FLVCR1: variants seen among roughly 807,000 people sequenced by gnomAD.
FLVCR1 encodes FLVCR choline and heme transporter 1.
Under a neutral mutation model 53.6 loss-of-function variants are expected in FLVCR1, and 34 were observed. The observed-to-expected ratio is 0.63, with a 90% CI of 0.48 to 0.84. The LOEUF is 0.84. Among genes scored for constraint, FLVCR1 ranks in the 40% least tolerant of loss-of-function variants. The pLI is 0.00. For missense variants in FLVCR1, 677 were observed against 696.7 expected (o/e 0.97, Z 0.32); for synonymous variants, 300 against 286.3 (o/e 1.05, Z -0.48).
chr1:212,888,540 C>T lies in FLVCR1; in HGVS notation c.1359C>T (p.Ile453=), dbSNP rs1314494158. The T allele has an allele frequency of 4.3e-6, 7 of 1,613,806 alleles. No individual in the cohort carries two copies. The highest frequency in any genetic ancestry group is 5.9e-6 in the Non-Finnish European group (7 of 1,179,900). ...LPLGFEFAVE[I]TYPESEGTSS... ...TGGGTTTTGAATTTGCTGTTGAAAT[C>T]ACTTACCCTGAATCTGAAGGTACTT... Residue 453 remains isoleucine (I), a synonymous_variant, in exon 7 of 10, where the codon ATC becomes ATT. Transcript: ENST00000366971.
chr1:212,894,918 C>A (rs867708722), intron 8 of FLVCR1, 68 bp from the exon 9 acceptor site: 1 of 1,031,064 alleles, frequency 9.7e-7, no homozygotes, highest in Middle Eastern at 2.1e-4. Flanking sequence ...CCAAGAAAGA[C>A]TTTGAGCTGC....
intron 2 of FLVCR1, among the ~76,000 whole-genome samples, chr1:212,870,657 T>A (rs555102099): frequency 6.6e-6 from 1 of 152,308 alleles, no homozygotes; most frequent in South Asian, 2.1e-4. Context: ...AAAAAAATTT[T>A]TTTTCTTGCT....
chr1:212,875,238 A>C (rs1664721633), intron 3 of FLVCR1, among the ~76,000 whole-genome samples: 1 of 152,266 alleles, frequency 6.6e-6, no homozygotes, highest in Admixed American at 6.5e-5. Context: ...GAGATAATAT[A>C]AACATCTGAA....
In FLVCR1 at chr1:212,895,010, GAC is replaced by G. The variant is rs777543198; in HGVS notation, c.1554_1555del (p.His518GlnfsTer10). The G allele has an allele frequency of 1.2e-6, 2 of 1,604,232 alleles. No homozygotes were observed. Among genetic ancestry groups the G allele is most frequent in the South Asian group, 1.1e-5 (1 of 90,886 alleles). On this transcript the variant is annotated frameshift_variant, in exon 9 of 10. Coordinates refer to ENST00000366971, the MANE Select transcript of FLVCR1 (RefSeq NM_014053.4). LOFTEE classifies it low-confidence loss of function (END_TRUNC). ...GCATTAATCAAGTCTGATCTGCGAA[GAC>G]ACAACATAAATATAGGAATTACAAA... is the stretch of plus-strand genomic sequence containing the variant.
At chr1:212,883,152 A>G (rs1235340530) in intron 3 of FLVCR1, among the ~76,000 whole-genome samples, 1 of 152,198 alleles carries the variant, frequency 6.6e-6, no homozygotes, top group Non-Finnish European at 1.5e-5. Flanking sequence ...CTGCTATTAC[A>G]TCTTTAGTAC....
intron 8 of FLVCR1, among the ~76,000 whole-genome samples, chr1:212,891,945 G>A (rs959994069): frequency 1.3e-5 from 2 of 152,202 alleles, no homozygotes; most frequent in African/African-American, 2.4e-5. Context: ...GAGTGGTCTT[G>A]TTAGAAGATC....
intron 1 of FLVCR1, among the ~76,000 whole-genome samples, chr1:212,861,361 C>T (rs1193544757): frequency 6.6e-6 from 1 of 151,914 alleles, no homozygotes; most frequent in Non-Finnish European, 1.5e-5. Flanking sequence ...TTTTCTGAAC[C>T]CCATTTCTTT....
chr1:212,867,500 G>C (rs1664472169), intron 2 of FLVCR1, among the ~76,000 whole-genome samples: 1 of 152,184 alleles, frequency 6.6e-6, no homozygotes, highest in Non-Finnish European at 1.5e-5. Context: ...CTGAAGGTCA[G>C]ATTTAAGCCT....
At chr1:212,885,077 A>G (rs534585935) in intron 4 of FLVCR1, among the ~76,000 whole-genome samples, 16 of 152,248 alleles carry the variant, frequency 1.1e-4, no homozygotes, top group Non-Finnish European at 2.2e-4. Context: ...TATTTCTTCT[A>G]TTATTTTAGG....
At position 212,895,450 on chromosome 1, in the gene FLVCR1, T is replaced by G; in HGVS notation, c.*160T>G. 4 of 656,368 alleles carry G rather than the reference T, an allele frequency of 6.1e-6. No individual in the cohort carries two copies. The South Asian group carries it at 7.0e-5, about 11-fold the overall frequency. The allele number at this position is 656,368 out of a possible 1,614,324, so 40.7% of individuals were successfully genotyped here. A position where few individuals can be genotyped will look rare whatever the true frequency, so the allele number is the denominator to read the frequency against. On this transcript the variant is annotated 3_prime_UTR_variant, in exon 10 of 10. Transcript: ENST00000366971. Reference sequence around the variant, plus strand: ...TCTAAATGCATAATTATTATTTTGCTTAATTGTTAAATTAAGGGAAATTTT... The same window carrying G: ...TCTAAATGCATAATTATTATTTTGCGTAATTGTTAAATTAAGGGAAATTTT...
In FLVCR1 at chr1:212,892,119, A is replaced by G. The variant is rs145746590; in HGVS notation, c.1525+2862A>G. Among the ~76,000 whole-genome samples, 514 of 152,350 alleles carry G rather than the reference A, an allele frequency of 3.4e-3. 2 individuals carry two copies. Among genetic ancestry groups the G allele is most frequent in the African/African-American group, 0.011 (478 of 41,582 alleles). ...GGAAAGAAGTTGTCTTCATAACATAAAAGTGCAAGGTGAAGCAGCAAGTGC... is the reference window on the plus strand; with the variant it reads ...GGAAAGAAGTTGTCTTCATAACATAGAAGTGCAAGGTGAAGCAGCAAGTGC... On this transcript the variant is annotated intron_variant, in intron 8 of 9. Transcript: ENST00000366971.
intron 2 of FLVCR1, among the ~76,000 whole-genome samples, chr1:212,872,289 A>G (rs1317683211): frequency 6.6e-6 from 1 of 152,128 alleles, no homozygotes; most frequent in Non-Finnish European, 1.5e-5. Context: ...CTTCATGTTT[A>G]TCTCTAATTA....
chr1:212,882,657 C>T (rs960702897), intron 3 of FLVCR1, among the ~76,000 whole-genome samples: 3 of 152,028 alleles, frequency 2.0e-5, no homozygotes, highest in African/African-American at 7.2e-5. Context: ...AAATAATAAA[C>T]TTAAGTTTTA....
Position 212,893,072 on chromosome 1 carries a change from G to T in FLVCR1, c.1526-1914G>T, listed in dbSNP as rs1389948515. On this transcript the variant is annotated intron_variant, in intron 8 of 9. Coordinates refer to ENST00000366971, the MANE Select transcript of FLVCR1 (RefSeq NM_014053.4). ...GGGTTGCTTCTTTTTTTTTGGGGGG[G>T]GGTGCCGGAATGTTGCTGTGTTGCC... is the stretch of plus-strand genomic sequence containing the variant. 1.0e-4 allele frequency among the ~76,000 whole-genome samples: 15 copies of T among 148,624 alleles called. No individual in the cohort carries two copies. The Admixed American group carries it at 1.0e-3, about 10-fold the overall frequency.
intron 3 of FLVCR1, among the ~76,000 whole-genome samples, chr1:212,881,301 C>T (rs115071887): frequency 1.5e-4 from 18 of 119,658 alleles, no homozygotes; most frequent in South Asian, 5.6e-4. Context: ...ATTTCTTTGT[C>T]TTTTTTTTTT....
intron 2 of FLVCR1, among the ~76,000 whole-genome samples, chr1:212,865,500 T>TTTTTTTTTTTTG (rs1664387641): frequency 7.1e-6 from 1 of 140,028 alleles, no homozygotes; most frequent in African/African-American, 2.6e-5. Flanking sequence ...TTTTTTTTTT[T>TTTTTTTTTTTTG]GAGACAGAGT....
Position 212,858,439 on chromosome 1 carries a change from G to A in FLVCR1, c.-14G>A. The A allele has an allele frequency of 1.4e-6, 2 of 1,431,638 alleles. No homozygotes were observed. The highest frequency in any genetic ancestry group is 2.5e-5 in the East Asian group (1 of 39,338). The allele number at this position is 1,431,638 out of a possible 1,614,324, so 88.7% of individuals were successfully genotyped here. On this transcript the variant is annotated 5_prime_UTR_variant, in exon 1 of 10. Coordinates refer to ENST00000366971, the MANE Select transcript of FLVCR1 (RefSeq NM_014053.4). ...TGGGGCGGGGGAGCGAGGTGGCGCC[G>A]GGGAGCCTGGGATATGGCGCGGCCA...
chr1:212,886,625 C>T (rs934804005), intron 5 of FLVCR1, among the ~76,000 whole-genome samples: 2 of 151,926 alleles, frequency 1.3e-5, no homozygotes, highest in Admixed American at 6.6e-5. Flanking sequence ...CATGGTGAAA[C>T]GCCATCTCTA....
chr1:212,890,016 T>G (rs1043373922), intron 8 of FLVCR1, among the ~76,000 whole-genome samples: 2 of 152,168 alleles, frequency 1.3e-5, no homozygotes, highest in African/African-American at 4.8e-5. Context: ...TATAATGTGG[T>G]AGAGATGGTA....
Sources: gnomAD v4.1 joint callset for allele counts (sites outside exome capture counted in the v4.1 genomes callset) on GRCh38, gnomAD v4.1.1 for gene constraint, MANE v1.5 for transcripts, NCBI Gene and HGNC (gene_info 2026-07-23, HGNC 2026-07-21) for gene names.